Variants in JMJD1C observed in about 807,000 individuals in gnomAD.
The protein encoded by JMJD1C is jumonji domain-containing protein 1C.
In JMJD1C, 31 loss-of-function variants were observed where a neutral mutation model predicts 245.3. The observed-to-expected ratio is 0.13, with a 90% CI of 0.09 to 0.17. JMJD1C has a LOEUF of 0.17. Ranked by LOEUF, JMJD1C falls within the 10% of genes least tolerant of loss-of-function variation. JMJD1C has a pLI of 1.00. For missense variants in JMJD1C, 2,691 were observed against 3,000.2 expected (o/e 0.90, Z 2.41); for synonymous variants, 1,057 against 1,017.4 (o/e 1.04, Z -0.74).
intron 1 of JMJD1C, among the ~76,000 whole-genome samples, chr10:63,407,669 T>C (rs928649436): frequency 1.3e-5 from 2 of 148,444 alleles, no homozygotes; most frequent in African/African-American, 5.0e-5. Flanking sequence ...GACTAAAATA[T>C]ACATAGGGAA....
upstream of JMJD1C, among the ~76,000 whole-genome samples, chr10:63,469,360 C>G (rs4745716): frequency 6.6e-6 from 1 of 152,098 alleles, no homozygotes; most frequent in Non-Finnish European, 1.5e-5. Context: ...AGTAACTTGC[C>G]TAAGAATACA....
intron 2 of JMJD1C, among the ~76,000 whole-genome samples, chr10:63,378,138 G>T (rs1398480744): frequency 6.6e-6 from 1 of 151,826 alleles, no homozygotes; most frequent in Non-Finnish European, 1.5e-5. Context: ...GATTGTTTAA[G>T]TAGGCCTAAT....
At chr10:63,420,245 A>G (rs1407917605) in intron 1 of JMJD1C, among the ~76,000 whole-genome samples, 16 of 152,218 alleles carry the variant, frequency 1.1e-4, no homozygotes, top group African/African-American at 3.9e-4. Flanking sequence ...ATAAGGTGAC[A>G]TGAAGAAAAA....
chr10:63,361,653 G>C (rs1945335308), intron 2 of JMJD1C, among the ~76,000 whole-genome samples: 1 of 146,238 alleles, frequency 6.8e-6, no homozygotes, highest in Non-Finnish European at 1.5e-5. Flanking sequence ...CTACTCCAGA[G>C]GCTGCAGTGA....
At chr10:63,332,590 T>C (rs993875012) in intron 2 of JMJD1C, among the ~76,000 whole-genome samples, 4 of 152,220 alleles carry the variant, frequency 2.6e-5, no homozygotes, top group African/African-American at 7.2e-5. Context: ...TGTGTGAGTT[T>C]AGGCCTCATT....
intron 3 of JMJD1C, among the ~76,000 whole-genome samples, chr10:63,254,801 G>A (rs1311808044): frequency 1.3e-5 from 2 of 151,892 alleles, no homozygotes; most frequent in Non-Finnish European, 2.9e-5. Flanking sequence ...CTGCCTGCCT[G>A]AGCCTCCCAA....
chr10:63,204,899 T>C (rs1349402440), intron 10 of JMJD1C: 3 of 985,320 alleles, frequency 3.0e-6, no homozygotes, highest in Non-Finnish European at 3.6e-6. Context: ...AAGGCACAAA[T>C]GGGAGCCTTC....
intron 3 of JMJD1C, among the ~76,000 whole-genome samples, chr10:63,233,757 GCACACA>G (rs10565803): frequency 0.21 from 31,023 of 147,984 alleles, 3,647 homozygotes; most frequent in Middle Eastern, 0.28. Context: ...ACACGCGCGT[GCACACA>G]CACACACACA....
chr10:63,290,194 G>C (rs1382947336), intron 2 of JMJD1C, among the ~76,000 whole-genome samples: 1 of 152,086 alleles, frequency 6.6e-6, no homozygotes, highest in Admixed American at 6.6e-5. Flanking sequence ...GAATCTTAAA[G>C]AAAGGTCTAA....
At chr10:63,182,870 G>T (rs188770801) in intron 22 of JMJD1C, among the ~76,000 whole-genome samples, 38 of 142,820 alleles carry the variant, frequency 2.7e-4, no homozygotes, top group Admixed American at 1.6e-3. Context: ...TCATTTTTTG[G>T]TTTTTTTTGA....
intron 20 of JMJD1C, among the ~76,000 whole-genome samples, chr10:63,185,254 G>A (rs1451228464): frequency 6.6e-6 from 1 of 152,104 alleles, no homozygotes; most frequent in Non-Finnish European, 1.5e-5. Context: ...CCTCAGCCAC[G>A]CAAGTAGCTG....
chr10:63,323,825 T>C (rs1256370882), intron 2 of JMJD1C, among the ~76,000 whole-genome samples: 1 of 152,108 alleles, frequency 6.6e-6, no homozygotes, highest in Non-Finnish European at 1.5e-5. Flanking sequence ...TTTGCATATG[T>C]GTGTGTGTAT....
intron 1 of JMJD1C, among the ~76,000 whole-genome samples, chr10:63,514,451 A>G (rs1351037164): frequency 1.3e-5 from 2 of 152,244 alleles, no homozygotes; most frequent in African/African-American, 4.8e-5. Context: ...CAGACATAAC[A>G]AAGAATGAAA....
intron 1 of JMJD1C, among the ~76,000 whole-genome samples, chr10:63,502,158 T>C (rs1185369261): frequency 6.6e-6 from 1 of 152,126 alleles, no homozygotes; most frequent in East Asian, 1.9e-4. Flanking sequence ...ACAATTAAGG[T>C]CAGAATCAGT....
At chr10:63,301,159 G>T (rs1272504108) in intron 2 of JMJD1C, among the ~76,000 whole-genome samples, 1 of 152,136 alleles carries the variant, frequency 6.6e-6, no homozygotes, top group Non-Finnish European at 1.5e-5. Context: ...GGGACTATAG[G>T]CATGTACCAT....
chr10:63,205,878 C>T (rs1048636662), intron 10 of JMJD1C, among the ~76,000 whole-genome samples: 5 of 152,066 alleles, frequency 3.3e-5, no homozygotes, highest in African/African-American at 1.2e-4. Flanking sequence ...GGCTGGAGTG[C>T]GGTGGTGCAA....
intron 1 of JMJD1C, among the ~76,000 whole-genome samples, chr10:63,461,863 C>T (rs1952820019): frequency 6.6e-6 from 1 of 152,082 alleles, no homozygotes; most frequent in Admixed American, 6.5e-5. Flanking sequence ...TCACTGAGAT[C>T]ATAAATGGAA....
intron 1 of JMJD1C, among the ~76,000 whole-genome samples, chr10:63,489,113 A>C (rs1261043649): frequency 6.6e-6 from 1 of 152,118 alleles, no homozygotes; most frequent in African/African-American, 2.4e-5. Flanking sequence ...AAAAGTAAAA[A>C]ATGAGGCCGG....
Position 63,465,539 on chromosome 10 carries a change from T to C in JMJD1C, c.124A>G (p.Ile42Val). The change falls in exon 1 of 26, where the codon ATC becomes GTC. Residue 42 changes from isoleucine to valine, a missense_variant. Ile to Val is a conservative substitution (Grantham distance 29, BLOSUM62 3). Transcript: ENST00000399262. ...CTGTCCCTGTGTGACACGGCTCGGA[T>C]GACCCCCGCTCGCCAGCTTCGCCAG... ...RGWRSWRAGV[I>V]RAVSHRDSRN... The C allele has an allele frequency of 6.2e-7, 1 of 1,601,590 alleles. No individual in the cohort carries two copies. Among genetic ancestry groups the C allele is most frequent in the South Asian group, 1.1e-5 (1 of 90,364 alleles).
Sources: gnomAD v4.1 joint callset for allele counts (sites outside exome capture counted in the v4.1 genomes callset) on GRCh38, gnomAD v4.1.1 for gene constraint, MANE v1.5 for transcripts, NCBI Gene and HGNC (gene_info 2026-07-23, HGNC 2026-07-21) for gene names.